The following PCDHGB6 variants were observed in gnomAD, a reference collection of about 807,000 sequenced individuals.
PCDHGB6 encodes protocadherin gamma-B6.
A neutral mutation model predicts 59.1 loss-of-function variants in PCDHGB6; 51 were observed. The observed-to-expected ratio is 0.86, with a 90% CI of 0.69 to 1.09. The LOEUF is 1.09. Ranked by LOEUF, PCDHGB6 falls within the 50% of genes least tolerant of loss-of-function variation. The pLI, the probability that PCDHGB6 is intolerant of heterozygous loss-of-function variation, is 0.00. For missense variants in PCDHGB6, 1,148 were observed against 1,205.1 expected (o/e 0.95, Z 0.70); for synonymous variants, 466 against 495.1 (o/e 0.94, Z 0.78).
chr5:141,409,055 G>A lies in PCDHGB6; in HGVS notation c.853G>A (p.Ala285Thr), dbSNP rs141881204. The A allele has an allele frequency of 7.2e-5, 117 of 1,614,038 alleles. No individual in the cohort carries two copies. Among genetic ancestry groups the A allele is most frequent in the Admixed American group, 5.0e-4 (30 of 60,032 alleles). Residue 285 changes from alanine (A) to threonine (T), a missense_variant, in exon 1 of 4, where the codon GCC (alanine) becomes ACC (threonine). Around this residue, in one of 5 missense-constraint regions of PCDHGB6, gnomAD observed 549 missense variants for 527.5 expected, o/e 1.04. Coordinates refer to ENST00000520790, the MANE Select transcript of PCDHGB6 (RefSeq NM_018926.3). Reference protein sequence around the residue: ...AEINYYFRSTAQSTKHMFSLD... With the variant: ...AEINYYFRSTTQSTKHMFSLD... ...GATAAACTACTACTTCCGAAGCACT[G>A]CCCAGAGCACAAAACATATGTTCTC...
intron 1 of PCDHGB6, among the ~76,000 whole-genome samples, chr5:141,488,133 G>T (rs1046071550): frequency 6.6e-6 from 1 of 152,198 alleles, no homozygotes; most frequent in Non-Finnish European, 1.5e-5. Context: ...AGAAAGAGGA[G>T]AGAACTAAAG....
At chr5:141,456,404 G>A (rs935040352) in intron 1 of PCDHGB6, among the ~76,000 whole-genome samples, 4 of 152,104 alleles carry the variant, frequency 2.6e-5, no homozygotes, top group Non-Finnish European at 4.4e-5. Flanking sequence ...TTGCTTCTAG[G>A]CGAGAAGAAA....
Position 141,432,126 on chromosome 5 carries a change from C to A in PCDHGB6, c.2418+21506C>A. 6.2e-7 allele frequency: 1 copy of A among 1,614,144 alleles called. No homozygotes were observed. Among genetic ancestry groups the A allele is most frequent in the South Asian group, 1.1e-5 (1 of 91,058 alleles). ...AACCCGCCGGTCTTCCCTCAGGCCT[C>A]CTATTCCGCTTATATCCCAGAGAAC... On this transcript the variant is annotated intron_variant, in intron 1 of 3. Transcript: ENST00000520790. The surrounding 1 kb of genome is among the most constrained non-coding windows in gnomAD (Gnocchi z 6.0).
intron 1 of PCDHGB6, chr5:141,442,056 C>T: frequency 5.0e-6 from 1 of 198,150 alleles, no homozygotes; most frequent in Non-Finnish European, 1.0e-5. Flanking sequence ...GGTCGCGGTG[C>T]ACTGCGGTGG....
At chr5:141,510,534 C>T (rs1187165551) in intron 3 of PCDHGB6, among the ~76,000 whole-genome samples, 2 of 152,126 alleles carry the variant, frequency 1.3e-5, no homozygotes, top group African/African-American at 2.4e-5. Context: ...AGAGAAATAC[C>T]AGCGAATGTG....
At position 141,487,641 on chromosome 5, in the gene PCDHGB6, T is replaced by C. The variant is rs1343702532; in HGVS notation, c.2419-7166T>C. The stretch of plus-strand genomic sequence containing the variant: ...GTGAGACCTTTGCAGGCTCAACAAA[T>C]GCTTGAGGGTTATTCTGATCCAGGC... On this transcript the variant is annotated intron_variant, in intron 1 of 3. Coordinates refer to ENST00000520790, the MANE Select transcript of PCDHGB6 (RefSeq NM_018926.3). The surrounding 1 kb of genome is among the most constrained non-coding windows in gnomAD (Gnocchi z 5.0). The C allele has an allele frequency of 6.2e-7, 1 of 1,614,122 alleles. No individual in the cohort carries two copies. Among genetic ancestry groups the C allele is most frequent in the Non-Finnish European group, 8.5e-7 (1 of 1,179,998 alleles).
At chr5:141,437,104 T>C (rs539232057) in intron 1 of PCDHGB6, among the ~76,000 whole-genome samples, 1 of 152,338 alleles carries the variant, frequency 6.6e-6, no homozygotes, top group African/African-American at 2.4e-5. Flanking sequence ...GGCTTAGCTT[T>C]AGGATTTTTA....
At chr5:141,429,577 T>C (rs2097225544) in intron 1 of PCDHGB6, among the ~76,000 whole-genome samples, 2 of 152,230 alleles carry the variant, frequency 1.3e-5, no homozygotes, top group South Asian at 4.1e-4. Context: ...TTACATTTAC[T>C]TTTGATTCTT....
In PCDHGB6 at chr5:141,419,577, C is replaced by A. The variant is rs1182305164; in HGVS notation, c.2418+8957C>A. ...CCTGCGCTGGGTCCCGACGGCTCCG[C>A]GCTCTTCGACACAGTGCCGCGGGCC... On this transcript the variant is annotated intron_variant, in intron 1 of 3. Coordinates refer to ENST00000520790, the MANE Select transcript of PCDHGB6 (RefSeq NM_018926.3). 3.1e-6 allele frequency: 5 copies of A among 1,611,732 alleles called. No individual in the cohort carries two copies. The South Asian group carries it at 5.5e-5, about 18-fold the overall frequency.
At chr5:141,474,398 C>A (rs1381347745) in intron 1 of PCDHGB6, among the ~76,000 whole-genome samples, 3 of 152,212 alleles carry the variant, frequency 2.0e-5, no homozygotes, top group Non-Finnish European at 4.4e-5. Context: ...TTCTAACAAG[C>A]TCCCCGGTGA....
At position 141,409,865 on chromosome 5, in the gene PCDHGB6, C is replaced by A; in HGVS notation, c.1663C>A (p.Arg555Ser). ...NVSLRVLVGD[R>S]NDNAPRVLYP... is the part of the protein sequence containing the mutation. ...GAGCCTGCGCGTGTTGGTGGGAGAC[C>A]GCAATGACAACGCACCGCGGGTGCT... Residue 555 changes from arginine to serine, a missense_variant, in exon 1 of 4, where the codon CGC (arginine) becomes AGC (serine). This residue lies in a region of PCDHGB6 where 549 missense variants were observed against 527.5 expected (regional missense o/e 1.04). Coordinates refer to ENST00000520790, the MANE Select transcript of PCDHGB6 (RefSeq NM_018926.3). The A allele has an allele frequency of 6.2e-7, 1 of 1,612,574 alleles. No individual in the cohort carries two copies. The highest frequency in any genetic ancestry group is 8.5e-7 in the Non-Finnish European group (1 of 1,179,480).
rs1192894414 is a variant in PCDHGB6 at position 141,410,497 on chromosome 5, T to TG, written c.2295_2296insG (p.Phe766ValfsTer12). On this transcript the variant is annotated frameshift_variant, in exon 1 of 4. Transcript: ENST00000520790. LOFTEE classifies it high-confidence loss of function. Reference sequence around the variant, plus strand: ...CACATACGGGTACAAAAGAGTTTAATTTCCTAAAATGCAGTGTGCCCCTAC... The same window carrying TG: ...CACATACGGGTACAAAAGAGTTTAATGTTCCTAAAATGCAGTGTGCCCCTAC... The TG allele has an allele frequency of 6.2e-7, 1 of 1,613,998 alleles. No homozygotes were observed. The highest frequency in any genetic ancestry group is 1.1e-5 in the South Asian group (1 of 91,092).
At chr5:141,427,509 G>T in intron 1 of PCDHGB6, 1 of 588,640 alleles carries the variant, frequency 1.7e-6, no homozygotes, top group Non-Finnish European at 3.2e-6. Flanking sequence ...TGGGACCCTG[G>T]ATTGGGAGCG....
chr5:141,491,709 C>T lies in PCDHGB6; in HGVS notation c.2419-3098C>T, dbSNP rs2099725685. On this transcript the variant is annotated intron_variant, in intron 1 of 3. Coordinates refer to ENST00000520790, the MANE Select transcript of PCDHGB6 (RefSeq NM_018926.3). The surrounding 1 kb of genome is among the most constrained non-coding windows in gnomAD (Gnocchi z 6.9). The stretch of plus-strand genomic sequence containing the variant: ...TGCGGGAGCGGAGCCAGGTGAGGGG[C>T]TCGGCGCCGCCCCGGGCGACCCCTG... 6.2e-7 allele frequency: 1 copy of T among 1,610,156 alleles called. No homozygotes were observed. Among genetic ancestry groups the T allele is most frequent in the Non-Finnish European group, 8.5e-7 (1 of 1,178,376 alleles).
At chr5:141,414,312 C>T in intron 1 of PCDHGB6, 1 of 1,613,724 alleles carries the variant, frequency 6.2e-7, no homozygotes, top group South Asian at 1.1e-5. Context: ...ATGATTTAGA[C>T]TCTGAGCAGA....
intron 1 of PCDHGB6, chr5:141,427,435 T>C (rs536693959): frequency 2.1e-6 from 1 of 474,160 alleles, no homozygotes; most frequent in African/African-American, 2.0e-5. Flanking sequence ...ACATGCCTCA[T>C]AAACGAAAGA....
chr5:141,452,010 G>A (rs955708033), intron 1 of PCDHGB6, among the ~76,000 whole-genome samples: 1 of 152,192 alleles, frequency 6.6e-6, no homozygotes, highest in African/African-American at 2.4e-5. Context: ...ACTTGGTCCA[G>A]CCCACACTCT....
chr5:141,413,921 C>G, intron 1 of PCDHGB6: 2 of 1,613,360 alleles, frequency 1.2e-6, no homozygotes, highest in Middle Eastern at 1.6e-4. Flanking sequence ...TTCACCTTGC[C>G]AGAATACCGA....
At chr5:141,421,211 T>A (rs866635411) in intron 1 of PCDHGB6, 8 of 1,541,100 alleles carry the variant, frequency 5.2e-6, no homozygotes. Flanking sequence ...CCGCGGAATA[T>A]CGGCTTAGAG....
Sources: gnomAD v4.1 joint callset for allele counts (sites outside exome capture counted in the v4.1 genomes callset) on GRCh38, gnomAD v4.1.1 for gene constraint, gnomAD v4.1.1 regional missense constraint, Gnocchi (gnomAD v3.1) non-coding constraint, MANE v1.5 for transcripts, NCBI Gene and HGNC (gene_info 2026-07-23, HGNC 2026-07-21) for gene names.